EGF: variants seen among roughly 807,000 people sequenced by gnomAD.
The protein encoded by EGF is epidermal growth factor.
EGF carries 95 observed loss-of-function variants against 143.8 expected under a neutral mutation model. The ratio of observed to expected loss-of-function variants is 0.66; its 90% confidence interval spans 0.56 to 0.78. The LOEUF is 0.78. Ranked by LOEUF, EGF falls within the 30% of genes least tolerant of loss-of-function variation. The pLI is 0.00. For synonymous variants in EGF, 510 were observed against 510.5 expected, an observed-to-expected ratio of 1.00 and a Z score of 0.01; for missense variants, 1,320 against 1,470.9, an observed-to-expected ratio of 0.90 and a Z score of 1.68.
At chr4:109,981,753 CA>C (rs1749397707) in intron 15 of EGF, among the ~76,000 whole-genome samples, 1 of 152,068 alleles carries the variant, frequency 6.6e-6, no homozygotes, top group Non-Finnish European at 1.5e-5. Flanking sequence ...GCTCACAATT[CA>C]AAATTTACTT....
At chr4:109,997,330 G>A (rs530232677) in intron 20 of EGF, among the ~76,000 whole-genome samples, 13 of 152,144 alleles carry the variant, frequency 8.5e-5, no homozygotes, top group African/African-American at 2.4e-4. Flanking sequence ...CTCCAGCTGC[G>A]TAACTCCCAA....
In EGF at chr4:109,979,913, C is replaced by G; in HGVS notation, c.2054-59C>G. ...GTGTAAATTTCAAGCCTTGTCCTTTCGTAAATAGTCATTGCAAAGACAAAG... is the reference window on the plus strand; with the variant it reads ...GTGTAAATTTCAAGCCTTGTCCTTTGGTAAATAGTCATTGCAAAGACAAAG... On this transcript the variant is annotated intron_variant, in intron 13 of 23. Transcript: ENST00000265171. The G allele has an allele frequency of 5.6e-6, 9 of 1,595,926 alleles. No homozygotes were observed. The South Asian group carries it at 1.0e-4, about 18-fold the overall frequency.
intron 20 of EGF, among the ~76,000 whole-genome samples, chr4:109,995,321 G>A (rs1193042432): frequency 2.6e-5 from 4 of 152,192 alleles, no homozygotes; most frequent in Non-Finnish European, 5.9e-5. Flanking sequence ...TCTTGCCAGA[G>A]TCCAAAAATA....
chr4:109,944,987 G>T, intron 4 of EGF, 86 bp from the exon 5 acceptor site: 1 of 1,417,556 alleles, frequency 7.1e-7, no homozygotes, highest in South Asian at 1.2e-5. Context: ...TTAAAACTTA[G>T]ACAATAAATT....
rs11568913 is a variant in EGF at position 109,945,565 on chromosome 4, G to A, written c.940+290G>A. 6.3e-3 allele frequency among the ~76,000 whole-genome samples: 952 copies of A among 151,666 alleles called. 17 individuals are homozygous for A. The highest frequency in any genetic ancestry group is 0.022 in the African/African-American group (894 of 41,284). On this transcript the variant is annotated intron_variant, in intron 5 of 23. Coordinates refer to ENST00000265171, the MANE Select transcript of EGF (RefSeq NM_001963.6). The stretch of plus-strand genomic sequence containing the variant: ...CAGCCTGGACAACATAACAAGGCTC[G>A]GTCTCTACAAAAACGAAAGAAAGAA...
intron 1 of EGF, among the ~76,000 whole-genome samples, chr4:109,922,889 T>A (rs1262448536): frequency 2.0e-5 from 3 of 151,628 alleles, no homozygotes; most frequent in Non-Finnish European, 4.4e-5. Context: ...AAATATTGGC[T>A]ATTACTCTCT....
intron 15 of EGF, among the ~76,000 whole-genome samples, chr4:109,981,867 A>G (rs568433941): frequency 6.6e-6 from 1 of 152,106 alleles, no homozygotes; most frequent in African/African-American, 2.4e-5. Context: ...TGTGTAGTCA[A>G]TGGTCAAGAG....
intron 6 of EGF, among the ~76,000 whole-genome samples, chr4:109,960,591 G>T (rs747439569): frequency 1.3e-5 from 2 of 152,180 alleles, no homozygotes; most frequent in African/African-American, 2.4e-5. Context: ...GTTGCAGTGA[G>T]CTGAGATCGT....
At chr4:109,970,490 A>G (rs1747385785) in intron 11 of EGF, among the ~76,000 whole-genome samples, 1 of 152,136 alleles carries the variant, frequency 6.6e-6, no homozygotes, top group South Asian at 2.1e-4. Flanking sequence ...ATGGGTTTCT[A>G]TGCTTGGGGG....
At chr4:109,979,876 T>A in intron 13 of EGF, 96 bp from the exon 14 acceptor site, 1 of 1,428,732 alleles carries the variant, frequency 7.0e-7, no homozygotes, top group Non-Finnish European at 9.7e-7. Context: ...GCTGATTTAG[T>A]GTAGGAATGT....
intron 7 of EGF, among the ~76,000 whole-genome samples, chr4:109,961,407 A>C (rs1040725374): frequency 2.0e-5 from 3 of 152,152 alleles, no homozygotes; most frequent in Non-Finnish European, 4.4e-5. Context: ...CAGACCTATC[A>C]AATCAGAACC....
intron 14 of EGF, 55 bp from the exon 15 acceptor site, chr4:109,980,771 T>A (rs1255458946): frequency 6.2e-7 from 1 of 1,609,020 alleles, no homozygotes; most frequent in South Asian, 1.1e-5. Flanking sequence ...CTTGCATTAA[T>A]GGCATCCTTT....
At chr4:109,931,371 A>G (rs1229516727) in intron 1 of EGF, among the ~76,000 whole-genome samples, 1 of 152,264 alleles carries the variant, frequency 6.6e-6, no homozygotes, top group Non-Finnish European at 1.5e-5. Flanking sequence ...CAGTGTAGGA[A>G]AAATAAACGG....
chr4:109,927,763 A>C (rs1260117667), intron 1 of EGF, among the ~76,000 whole-genome samples: 1 of 150,626 alleles, frequency 6.6e-6, no homozygotes, highest in East Asian at 1.9e-4. Flanking sequence ...AAGTAGATGC[A>C]AAACTCAGTA....
chr4:109,943,566 C>T (rs1742293766), intron 3 of EGF, 131 bp downstream of exon 3: 8 of 1,002,276 alleles, frequency 8.0e-6, no homozygotes, highest in East Asian at 5.2e-5. Context: ...ACACAGGCAC[C>T]GTTTTCTATA....
chr4:109,938,463 C>A (rs1395733264), intron 1 of EGF, among the ~76,000 whole-genome samples: 2 of 152,186 alleles, frequency 1.3e-5, no homozygotes, highest in Non-Finnish European at 2.9e-5. Context: ...TTAGAACATG[C>A]TCCTTTAGCT....
intron 1 of EGF, among the ~76,000 whole-genome samples, chr4:109,928,013 C>T (rs1017590588): frequency 7.2e-5 from 11 of 152,062 alleles, no homozygotes; most frequent in African/African-American, 1.9e-4. Flanking sequence ...AACATTATAA[C>T]GGTTCACTGT....
chr4:109,985,403 A>T (rs1438023014), intron 16 of EGF, among the ~76,000 whole-genome samples: 1 of 152,240 alleles, frequency 6.6e-6, no homozygotes, highest in East Asian at 1.9e-4. Context: ...AGTATAATCT[A>T]AAATTCTTAA....
chr4:109,914,057 C>A (rs968839551), intron 1 of EGF, among the ~76,000 whole-genome samples: 6 of 152,292 alleles, frequency 3.9e-5, no homozygotes, highest in African/African-American at 4.8e-5. Flanking sequence ...ACTTTAAGAA[C>A]TGCCAAATAT....
Sources: gnomAD v4.1 joint callset for allele counts (sites outside exome capture counted in the v4.1 genomes callset) on GRCh38, gnomAD v4.1.1 for gene constraint, MANE v1.5 for transcripts, NCBI Gene and HGNC (gene_info 2026-07-23, HGNC 2026-07-21) for gene names.